The following PLPPR1 variants were observed in gnomAD, a reference collection of about 807,000 sequenced individuals.
The protein encoded by PLPPR1 is phospholipid phosphatase-related protein type 1.
Under a neutral mutation model 33.1 loss-of-function variants are expected in PLPPR1, and 10 were observed. The ratio of observed to expected loss-of-function variants is 0.30; its 90% CI spans 0.19 to 0.51. The LOEUF is 0.51. Ranked by LOEUF, PLPPR1 falls within the 20% of genes least tolerant of loss-of-function variation. PLPPR1 has a pLI of 0.97. For missense variants in PLPPR1, 304 were observed against 408.1 expected, an observed-to-expected ratio of 0.74 and a Z score of 2.20; for synonymous variants, 151 against 151.0, an observed-to-expected ratio of 1.00 and a Z score of 0.00.
At chr9:101,175,938 C>A (rs1052105207) in intron 1 of PLPPR1, among the ~76,000 whole-genome samples, 6 of 152,070 alleles carry the variant, frequency 3.9e-5, no homozygotes, top group African/African-American at 1.2e-4. Flanking sequence ...AAAGAAGACT[C>A]AAGAGAGAGA....
At chr9:101,303,284 GTTTT>G (rs558602957) in intron 4 of PLPPR1, among the ~76,000 whole-genome samples, 5 of 150,340 alleles carry the variant, frequency 3.3e-5, no homozygotes, top group African/African-American at 1.2e-4. Flanking sequence ...CTGCCCACAG[GTTTT>G]TTTGTTTGGT....
At chr9:101,272,074 T>TTTAAG (rs1487967211) in intron 3 of PLPPR1, among the ~76,000 whole-genome samples, 7 of 152,124 alleles carry the variant, frequency 4.6e-5, no homozygotes, top group Non-Finnish European at 8.8e-5. Flanking sequence ...TTAAGACTTA[T>TTTAAG]TTAAGTTGTA....
At chr9:101,148,721 C>T (rs972302985) in intron 1 of PLPPR1, among the ~76,000 whole-genome samples, 3 of 152,204 alleles carry the variant, frequency 2.0e-5, no homozygotes, top group African/African-American at 7.2e-5. Context: ...AAAACTCCCA[C>T]ACCTTAGTTT....
At chr9:101,050,745 C>T (rs1478010897) in intron 1 of PLPPR1, among the ~76,000 whole-genome samples, 3 of 152,194 alleles carry the variant, frequency 2.0e-5, no homozygotes, top group African/African-American at 7.2e-5. Context: ...ATTGGCCCAT[C>T]TTGATGCCTA....
chr9:101,066,709 T>C (rs1053865184), intron 1 of PLPPR1, among the ~76,000 whole-genome samples: 1 of 152,046 alleles, frequency 6.6e-6, no homozygotes, highest in African/African-American at 2.4e-5. Context: ...TGATTTTCTT[T>C]GGGCACTTCC....
chr9:101,192,040 A>C (rs193255067), intron 2 of PLPPR1, among the ~76,000 whole-genome samples: 95 of 152,362 alleles, frequency 6.2e-4, no homozygotes, highest in Non-Finnish European at 1.1e-3. Context: ...GAAGTTCAGC[A>C]AGAACTTGAT....
In PLPPR1 at chr9:101,198,778, T is replaced by C. The variant is rs370804420; in HGVS notation, c.63+13221T>C. Among the ~76,000 whole-genome samples the C allele has an allele frequency of 1.6e-4, 25 of 152,270 alleles. No individual in the cohort carries two copies. The East Asian group carries it at 4.3e-3, about 26-fold the overall frequency. On this transcript the variant is annotated intron_variant, in intron 2 of 7. Transcript: ENST00000374874. ...TTCAGAAGGAAAGGATAGTGTGGCA[T>C]GGACCAAGACCTATAAAGGTACTGA...
rs1358062393 is a variant in PLPPR1 at position 101,241,415 on chromosome 9, G to GTATAT, written c.64-28465_64-28464insTATAT. 1.9e-3 allele frequency among the ~76,000 whole-genome samples: 288 copies of GTATAT among 152,200 alleles called. 1 individual carries two copies. The highest frequency in any genetic ancestry group is 6.5e-3 in the African/African-American group (271 of 41,568). On this transcript the variant is annotated intron_variant, in intron 2 of 7. Coordinates refer to ENST00000374874, the MANE Select transcript of PLPPR1 (RefSeq NM_207299.2). ...ATAAAATATACTAACACTAACAGTA[G>GTATAT]CTGATGAGCTTTGAAAAAAATCACA...
At chr9:101,265,568 G>T (rs1827974779) in intron 2 of PLPPR1, among the ~76,000 whole-genome samples, 1 of 152,236 alleles carries the variant, frequency 6.6e-6, no homozygotes, top group African/African-American at 2.4e-5. Context: ...AGGACAGGGA[G>T]GAAGAAAGGA....
chr9:101,080,083 C>T (rs1243702520), intron 1 of PLPPR1, among the ~76,000 whole-genome samples: 1 of 152,058 alleles, frequency 6.6e-6, no homozygotes, highest in Admixed American at 6.6e-5. Flanking sequence ...TAGAAAATTT[C>T]CTTGAGTTTT....
chr9:101,202,080 A>T (rs1018205660), intron 2 of PLPPR1, among the ~76,000 whole-genome samples: 26 of 152,200 alleles, frequency 1.7e-4, no homozygotes, highest in African/African-American at 6.0e-4. Flanking sequence ...TTGGAGGTTT[A>T]TGTGACCACT....
chr9:101,190,456 G>A (rs1188690769), intron 2 of PLPPR1, among the ~76,000 whole-genome samples: 1 of 152,156 alleles, frequency 6.6e-6, no homozygotes, highest in Non-Finnish European at 1.5e-5. Context: ...AAATGTGTGT[G>A]ACAGATCCAG....
chr9:101,190,119 A>G (rs1252883412), intron 2 of PLPPR1, among the ~76,000 whole-genome samples: 6 of 152,172 alleles, frequency 3.9e-5, no homozygotes, highest in African/African-American at 1.4e-4. Flanking sequence ...TAAAGTCTCA[A>G]ACGTATCGTC....
At chr9:101,092,435 A>T (rs1830754797) in intron 1 of PLPPR1, among the ~76,000 whole-genome samples, 1 of 152,152 alleles carries the variant, frequency 6.6e-6, no homozygotes, top group South Asian at 2.1e-4. Context: ...GGTATTTGAC[A>T]TAGTAATTTC....
chr9:101,316,464 A>AGT (rs1335726552), intron 6 of PLPPR1, among the ~76,000 whole-genome samples: 7 of 151,584 alleles, frequency 4.6e-5, no homozygotes, highest in Admixed American at 3.9e-4. Context: ...AAAAAAGCTG[A>AGT]GTGTAAGAGT....
chr9:101,118,528 G>A (rs1831141542), intron 1 of PLPPR1, among the ~76,000 whole-genome samples: 1 of 152,112 alleles, frequency 6.6e-6, no homozygotes, highest in Admixed American at 6.5e-5. Context: ...TGGGTTCTGG[G>A]GTTGCACATT....
chr9:101,119,713 C>T (rs1006868004), intron 1 of PLPPR1, among the ~76,000 whole-genome samples: 4 of 152,192 alleles, frequency 2.6e-5, no homozygotes, highest in Non-Finnish European at 5.9e-5. Flanking sequence ...CACCAGAGGC[C>T]AGAGCTGGAT....
chr9:101,188,764 A>G (rs1003734808), intron 2 of PLPPR1, among the ~76,000 whole-genome samples: 1 of 152,096 alleles, frequency 6.6e-6, no homozygotes, highest in African/African-American at 2.4e-5. Context: ...TTTTAAATAT[A>G]CATATTTGAC....
chr9:101,294,828 A>G (rs368260817), intron 4 of PLPPR1, among the ~76,000 whole-genome samples: 10,149 of 152,136 alleles, frequency 0.067, 391 homozygotes, highest in South Asian at 0.14. Flanking sequence ...ATCTATGACA[A>G]ACCCACAGCC....
Sources: allele counts gnomAD v4.1 joint callset (sites outside exome capture counted in the v4.1 genomes callset), GRCh38; gene constraint gnomAD v4.1.1; transcripts MANE v1.5; gene names NCBI Gene and HGNC (gene_info 2026-07-23, HGNC 2026-07-21).